The following RNF149 variants were observed in gnomAD, a reference collection of about 807,000 sequenced individuals.
RNF149 encodes ring finger protein 149, also known as E3 ubiquitin-protein ligase RNF149.
RNF149 carries 21 observed loss-of-function variants against 39.0 expected under a neutral mutation model. The observed-to-expected ratio is 0.54, with a 90% CI of 0.38 to 0.77. RNF149 has a LOEUF of 0.77. Among genes scored for constraint, RNF149 ranks in the 30% least tolerant of loss-of-function variants. The pLI is 0.00. For synonymous variants in RNF149, 209 were observed against 213.6 expected, an observed-to-expected ratio of 0.98 and a Z score of 0.19; for missense variants, 493 against 534.9, an observed-to-expected ratio of 0.92 and a Z score of 0.77.
rs997102143 is a variant in RNF149, at chr2:101,292,350, G to C, written c.780+1664C>G. 5.3e-5 allele frequency among the ~76,000 whole-genome samples: 8 copies of C among 152,216 alleles called. No homozygotes were observed. The South Asian group carries it at 1.2e-3, about 24-fold the overall frequency. ...TATTTTGACAACTTTCAAGAAACAG[G>C]CCCTGGAAGCATATTTTCAAAAGTG... On this transcript the variant is annotated intron_variant, in intron 3 of 6. Coordinates refer to ENST00000295317, the MANE Select transcript of RNF149 (RefSeq NM_173647.4).
chr2:101,292,632 G>A (rs1683059582), intron 3 of RNF149, among the ~76,000 whole-genome samples: 1 of 152,186 alleles, frequency 6.6e-6, no homozygotes, highest in Admixed American at 6.5e-5. Context: ...TGGGCGTGGT[G>A]GCAGGCGCCT....
At chr2:101,287,100 T>C (rs755246099) in intron 4 of RNF149, among the ~76,000 whole-genome samples, 4 of 152,160 alleles carry the variant, frequency 2.6e-5, no homozygotes, top group Non-Finnish European at 5.9e-5. Flanking sequence ...GGTGGGTGGA[T>C]CACCTGAGGT....
intron 1 of RNF149, among the ~76,000 whole-genome samples, chr2:101,298,030 G>A (rs975059128): frequency 6.6e-6 from 1 of 152,194 alleles, no homozygotes; most frequent in Non-Finnish European, 1.5e-5. Context: ...ACTCTTCTAC[G>A]AAAGGCAATG....
chr2:101,282,002 T>A lies in RNF149; in HGVS notation c.1016A>T (p.Asp339Val), dbSNP rs375490470. 202 of 1,613,948 alleles carry A rather than the reference T, an allele frequency of 1.3e-4. 1 individual carries two copies. The highest frequency in any genetic ancestry group is 1.7e-4 in the Non-Finnish European group (200 of 1,180,014). The change falls in exon 6 of 7, where the codon GAT (aspartate) becomes GTT (valine). Residue 339 changes from aspartate (D) to valine (V), a missense_variant. Transcript: ENST00000295317. ...MPAPESPPGR[D>V]PAANLSLALP... is the part of the protein sequence containing the mutation. ...AGCTAGACTCAAATTTGCAGCTGGA[T>A]CCCTTCCAGGAGGAGATTCTGGAGC... is the stretch of plus-strand genomic sequence containing the variant.
intron 3 of RNF149, among the ~76,000 whole-genome samples, chr2:101,290,621 G>A (rs1005796509): frequency 1.3e-5 from 2 of 152,136 alleles, no homozygotes; most frequent in Non-Finnish European, 2.9e-5. Flanking sequence ...ATTTGCTAAA[G>A]AATGGAATTA....
At position 101,302,489 on chromosome 2, in the gene RNF149, T is replaced by C. The variant is rs113486313; in HGVS notation, c.460+5640A>G. Among the ~76,000 whole-genome samples the C allele has an allele frequency of 9.3e-4, 142 of 152,322 alleles. 1 individual carries two copies. The highest frequency in any genetic ancestry group is 3.1e-3 in the African/African-American group (128 of 41,564). On this transcript the variant is annotated intron_variant, in intron 1 of 6. Coordinates refer to ENST00000295317, the MANE Select transcript of RNF149 (RefSeq NM_173647.4). The stretch of plus-strand genomic sequence containing the variant: ...ATATTATGTTTTGGACAATTTGTCT[T>C]GCTCAAAAATATTTTGTATTTTTGA...
At chr2:101,273,389 A>G (rs149490911), downstream of RNF149, 1,189 of 470,222 alleles carry the variant, frequency 2.5e-3, 6 homozygotes, top group African/African-American at 0.022. Flanking sequence ...TAATATAACA[A>G]TGAAACCTGA....
Position 101,308,513 on chromosome 2 carries a change from A to T in RNF149, c.76T>A (p.Cys26Ser). The T allele has an allele frequency of 6.2e-7, 1 of 1,609,458 alleles. No individual in the cohort carries two copies. Among genetic ancestry groups the T allele is most frequent in the Non-Finnish European group, 8.5e-7 (1 of 1,178,834 alleles). The change falls in exon 1 of 7, where the codon TGC (cysteine) becomes AGC (serine). Residue 26 changes from cysteine (C) to serine (S), a missense_variant. Cys to Ser is a moderately radical substitution (Grantham distance 112). Coordinates refer to ENST00000295317, the MANE Select transcript of RNF149 (RefSeq NM_173647.4). The stretch of plus-strand genomic sequence containing the variant: ...GCCCGGCCCCGGGCCCCGGGCACGC[A>T]CAGGGCCAGGGCGAGCAACGCCAGA... ...LALALLALAL[C>S]VPGARGRALE...
intron 1 of RNF149, among the ~76,000 whole-genome samples, chr2:101,302,783 C>T (rs927044792): frequency 1.3e-5 from 2 of 152,062 alleles, no homozygotes; most frequent in African/African-American, 4.8e-5. Flanking sequence ...AATTCAGAAG[C>T]AGCCGGGCAA....
chr2:101,288,954 A>T lies in RNF149; in HGVS notation c.863+19T>A, dbSNP rs763556902. Reference sequence around the variant, plus strand: ...TTGTCAAGTAATTTTTAACATCTCAATATGTAAAAAGAACATACTTGCATG... The same window carrying T: ...TTGTCAAGTAATTTTTAACATCTCATTATGTAAAAAGAACATACTTGCATG... On this transcript the variant is annotated intron_variant, in intron 4 of 6. Coordinates refer to ENST00000295317, the MANE Select transcript of RNF149 (RefSeq NM_173647.4). The T allele has an allele frequency of 1.6e-6, 2 of 1,259,848 alleles. No individual in the cohort carries two copies. Among genetic ancestry groups the T allele is most frequent in the East Asian group, 4.7e-5 (2 of 42,308 alleles). 78.0% of individuals were successfully genotyped at this position (1,259,848 alleles called of 1,614,324 possible).
intron 1 of RNF149, among the ~76,000 whole-genome samples, chr2:101,301,514 T>G (rs1189834685): frequency 6.6e-6 from 1 of 151,854 alleles, no homozygotes; most frequent in African/African-American, 2.4e-5. Context: ...GAGACGGGGT[T>G]TCACCATGTT....
chr2:101,281,553 G>T, intron 6 of RNF149: 1 of 272,434 alleles, frequency 3.7e-6, no homozygotes, highest in Non-Finnish European at 7.0e-6. Context: ...TCAGGCTGGA[G>T]TACAGTGACA....
At chr2:101,291,572 C>G (rs1399107683) in intron 3 of RNF149, among the ~76,000 whole-genome samples, 4 of 152,058 alleles carry the variant, frequency 2.6e-5, no homozygotes, top group Non-Finnish European at 5.9e-5. Flanking sequence ...TGCGAGCCAC[C>G]CTGCCAGACC....
intron 1 of RNF149, among the ~76,000 whole-genome samples, chr2:101,302,082 G>A (rs1482913924): frequency 1.3e-5 from 2 of 152,194 alleles, no homozygotes; most frequent in African/African-American, 2.4e-5. Flanking sequence ...AAGGTTCAGC[G>A]TAAGCTCAAC....
At chr2:101,288,919 C>T in intron 4 of RNF149, 54 bp downstream of exon 4, 1 of 833,644 alleles carries the variant, frequency 1.2e-6, no homozygotes, top group Non-Finnish European at 2.0e-6. Flanking sequence ...TTTTGTCAGA[C>T]ACCTAAAACT....
At chr2:101,295,439 A>C (rs1474338287) in intron 1 of RNF149, among the ~76,000 whole-genome samples, 1 of 152,074 alleles carries the variant, frequency 6.6e-6, no homozygotes, top group Admixed American at 6.5e-5. Context: ...AGGCGGGCGG[A>C]TCACTAGGTG....
chr2:101,284,747 C>G (rs1682727194), intron 5 of RNF149, among the ~76,000 whole-genome samples: 1 of 152,042 alleles, frequency 6.6e-6, no homozygotes, highest in African/African-American at 2.4e-5. Flanking sequence ...CTTACATGAC[C>G]ATAATGGCTT....
At chr2:101,287,655 T>C (rs1362218259) in intron 4 of RNF149, among the ~76,000 whole-genome samples, 1 of 152,220 alleles carries the variant, frequency 6.6e-6, no homozygotes, top group Non-Finnish European at 1.5e-5. Flanking sequence ...CATGATCAAC[T>C]TATACTGATC....
Position 101,308,368 on chromosome 2 carries a change from T to G in RNF149, c.221A>C (p.His74Pro). The change falls in exon 1 of 7, where the codon CAT becomes CCT. Residue 74 changes from histidine (H) to proline (P), a missense_variant. His to Pro is a moderately conservative substitution (Grantham distance 77, BLOSUM62 -2). Transcript: ENST00000295317. ...CGCCCACGGGACGCCCACCAGGCCA[T>G]GCGCGCCCTCCTTGGGCGAGCTGTC... ...FGDSSPKEGA[H>P]GLVGVPWAPG... 1.9e-6 allele frequency: 3 copies of G among 1,606,858 alleles called. No homozygotes were observed. Among genetic ancestry groups the G allele is most frequent in the African/African-American group, 1.4e-5 (1 of 73,760 alleles).
Sources: allele counts gnomAD v4.1 joint callset (sites outside exome capture counted in the v4.1 genomes callset), GRCh38; gene constraint gnomAD v4.1.1; transcripts MANE v1.5; gene names NCBI Gene and HGNC (gene_info 2026-07-23, HGNC 2026-07-21).